PAPOLG: variants seen among roughly 807,000 people sequenced by gnomAD.
The protein encoded by PAPOLG is poly(A) polymerase gamma, also known as PAP-gamma.
Under a neutral mutation model 99.0 loss-of-function variants are expected in PAPOLG, and 40 were observed. The observed-to-expected ratio is 0.40, with a 90% confidence interval of 0.31 to 0.53. PAPOLG has a LOEUF of 0.53. Ranked by LOEUF, PAPOLG falls within the 20% of genes least tolerant of loss-of-function variation. PAPOLG has a pLI of 0.41. For missense variants in PAPOLG, 675 were observed against 884.1 expected (o/e 0.76, Z 3.00); for synonymous variants, 310 against 299.3 (o/e 1.04, Z -0.37).
At position 60,792,224 on chromosome 2, in the gene PAPOLG, T is replaced by A; in HGVS notation, c.1614T>A (p.Asp538Glu). The stretch of plus-strand genomic sequence containing the variant: ...GTCTGGATAGCTCCAGAGACACTGA[T>A]AATGGAACACCTTTTAATTCTCCAG... Reference protein sequence around the residue: ...SSCLDSSRDTDNGTPFNSPAS... With the variant: ...SSCLDSSRDTENGTPFNSPAS... The change falls in exon 17 of 22, where the codon GAT becomes GAA. Residue 538 changes from aspartate (D) to glutamate (E), a missense_variant. Coordinates refer to ENST00000238714, the MANE Select transcript of PAPOLG (RefSeq NM_022894.4). 2 of 1,610,258 alleles carry A rather than the reference T, an allele frequency of 1.2e-6. No homozygotes were observed. The highest frequency in any genetic ancestry group is 1.7e-6 in the Non-Finnish European group (2 of 1,179,272).
intron 3 of PAPOLG, among the ~76,000 whole-genome samples, chr2:60,763,125 A>G (rs966454405): frequency 1.3e-5 from 2 of 151,444 alleles, no homozygotes; most frequent in Non-Finnish European, 2.9e-5. Flanking sequence ...CCCAGGCTGC[A>G]GTACAGTGGC....
At chr2:60,782,579 C>T (rs1186708844) in intron 11 of PAPOLG, 107 bp from the exon 12 acceptor site, 61 of 1,342,624 alleles carry the variant, frequency 4.5e-5, no homozygotes, top group African/African-American at 1.8e-4. Flanking sequence ...AAAAAAATTT[C>T]GTCTGGTGGA....
Position 60,796,977 on chromosome 2 carries a change from A to G in PAPOLG, c.2113-85A>G, listed in dbSNP as rs975354357. 1.5e-5 allele frequency: 23 copies of G among 1,555,226 alleles called. No homozygotes were observed. The East Asian group carries it at 4.4e-4, about 30-fold the overall frequency. ...AGAGGGTTTGGGAGAAAAACTCCCC[A>G]AGTTTTGTGACTGACTTTCTAGCTG... On this transcript the variant is annotated intron_variant, in intron 21 of 21. Coordinates refer to ENST00000238714, the MANE Select transcript of PAPOLG (RefSeq NM_022894.4).
Position 60,794,203 on chromosome 2 carries a change from A to G in PAPOLG, c.1989+12A>G, listed in dbSNP as rs1394335985. 1.9e-6 allele frequency: 3 copies of G among 1,606,490 alleles called. No individual in the cohort carries two copies. The highest frequency in any genetic ancestry group is 2.6e-6 in the Non-Finnish European group (3 of 1,175,080). On this transcript the variant is annotated intron_variant, in intron 19 of 21. Coordinates refer to ENST00000238714, the MANE Select transcript of PAPOLG (RefSeq NM_022894.4). ...AAGACGTAGAAAAGGTAAAGTTACAACTTTAGTGGTAATTCAGTAGTTGAT... is the reference window on the plus strand; with the variant it reads ...AAGACGTAGAAAAGGTAAAGTTACAGCTTTAGTGGTAATTCAGTAGTTGAT...
chr2:60,770,612 C>A (rs946033804), intron 6 of PAPOLG, 101 bp downstream of exon 6: 8 of 686,644 alleles, frequency 1.2e-5, no homozygotes, highest in African/African-American at 1.9e-5. Context: ...TTTAAAAAAT[C>A]AAGTAATCTC....
chr2:60,777,612 G>C (rs747774750), intron 8 of PAPOLG, among the ~76,000 whole-genome samples: 1 of 152,172 alleles, frequency 6.6e-6, no homozygotes, highest in Non-Finnish European at 1.5e-5. Context: ...ATAGCTTTCG[G>C]ACTATCATAA....
At chr2:60,763,513 T>C (rs777762732) in intron 3 of PAPOLG, among the ~76,000 whole-genome samples, 17 of 152,066 alleles carry the variant, frequency 1.1e-4, no homozygotes, top group Non-Finnish European at 2.4e-4. Flanking sequence ...TGTTTTTGTT[T>C]TTGTTTTTGA....
At chr2:60,761,163 A>G (rs1670512053) in intron 2 of PAPOLG, among the ~76,000 whole-genome samples, 1 of 152,222 alleles carries the variant, frequency 6.6e-6, no homozygotes, top group Non-Finnish European at 1.5e-5. Context: ...TGGAAGACTG[A>G]GGAAGAAGTA....
chr2:60,770,545 G>T lies in PAPOLG; in HGVS notation c.492+34G>T, dbSNP rs761707185. 6.5e-6 allele frequency: 9 copies of T among 1,383,758 alleles called. No individual in the cohort carries two copies. The Admixed American group carries it at 1.2e-4, about 18-fold the overall frequency. The allele number at this position is 1,383,758 out of a possible 1,614,324, so 85.7% of individuals were successfully genotyped here. A position where few individuals can be genotyped will look rare whatever the true frequency, so the allele number is the denominator to read the frequency against. The stretch of plus-strand genomic sequence containing the variant: ...TTAATATTTTTCTGACTTTACAATT[G>T]AACTGTTTAAACTTGTAAGTTTGTT... On this transcript the variant is annotated intron_variant, in intron 6 of 21. Coordinates refer to ENST00000238714, the MANE Select transcript of PAPOLG (RefSeq NM_022894.4).
In PAPOLG at chr2:60,797,046, T is replaced by G. The variant is rs1416435899; in HGVS notation, c.2113-16T>G. The G allele has an allele frequency of 1.9e-6, 3 of 1,612,424 alleles. No homozygotes were observed. The highest frequency in any genetic ancestry group is 2.5e-6 in the Non-Finnish European group (3 of 1,178,870). ...GATGTGCTTTTCCTTTTTTGTTTCC[T>G]CTTTCTTTCTAATAGAGACTACCCA... is the stretch of plus-strand genomic sequence containing the variant. On this transcript the variant is annotated splice_polypyrimidine_tract_variant and intron_variant, in intron 21 of 21. Coordinates refer to ENST00000238714, the MANE Select transcript of PAPOLG (RefSeq NM_022894.4).
At chr2:60,784,855 T>G (rs1431040617) in intron 13 of PAPOLG, among the ~76,000 whole-genome samples, 3 of 152,234 alleles carry the variant, frequency 2.0e-5, no homozygotes, top group African/African-American at 7.2e-5. Context: ...TATTTAGCCC[T>G]TTACAGAAAA....
chr2:60,760,073 G>A lies in PAPOLG; in HGVS notation c.18-61G>A, dbSNP rs909798306. ...TAACATGAGTAGATTGAGAGATTCA[G>A]TGTATCAGTATGGTATATACTTTAA... On this transcript the variant is annotated intron_variant, in intron 1 of 21. Coordinates refer to ENST00000238714, the MANE Select transcript of PAPOLG (RefSeq NM_022894.4). The A allele has an allele frequency of 2.7e-6, 4 of 1,479,564 alleles. No individual in the cohort carries two copies. In the African/African-American group the frequency reaches 4.2e-5, roughly 16 times the overall value. The allele number at this position is 1,479,564 out of a possible 1,614,324, so 91.7% of individuals were successfully genotyped here. A position where few individuals can be genotyped will look rare whatever the true frequency, so the allele number is the denominator to read the frequency against.
In PAPOLG at chr2:60,771,639, C is replaced by G; in HGVS notation, c.604+9C>G. ...TATTCGCAGCTTAAATGGTAAGCTT[C>G]TAAAAAGAAATCTCAGATACCTGCT... On this transcript the variant is annotated intron_variant, in intron 7 of 21. Transcript: ENST00000238714. 1 of 1,587,720 alleles carries G rather than the reference C, an allele frequency of 6.3e-7. No individual in the cohort carries two copies.
intron 7 of PAPOLG, 47 bp downstream of exon 7, chr2:60,771,677 G>A (rs190464476): frequency 6.4e-7 from 1 of 1,562,624 alleles, no homozygotes; most frequent in African/African-American, 1.4e-5. Flanking sequence ...AGAACAATTA[G>A]AGAAATATAG....
At chr2:60,767,454 G>A (rs1174587211) in intron 3 of PAPOLG, among the ~76,000 whole-genome samples, 1 of 151,062 alleles carries the variant, frequency 6.6e-6, no homozygotes, top group African/African-American at 2.4e-5. Context: ...ACAGGCACAC[G>A]CCACATGCCT....
intron 1 of PAPOLG, among the ~76,000 whole-genome samples, chr2:60,757,235 C>T (rs1380107022): frequency 6.6e-6 from 1 of 152,184 alleles, no homozygotes; most frequent in Non-Finnish European, 1.5e-5. Context: ...CATGCACACA[C>T]GCACACACAC....
chr2:60,795,122 T>C, intron 21 of PAPOLG, 102 bp downstream of exon 21: 1 of 1,019,672 alleles, frequency 9.8e-7, no homozygotes, highest in Non-Finnish European at 1.5e-6. Context: ...TGGGAAAAAG[T>C]AAGATTTTGT....
intron 8 of PAPOLG, among the ~76,000 whole-genome samples, chr2:60,777,600 G>A (rs986611081): frequency 3.9e-5 from 6 of 152,178 alleles, no homozygotes; most frequent in Non-Finnish European, 2.9e-5. Context: ...GGCACAAGGG[G>A]CATAGCTTTC....
intron 10 of PAPOLG, among the ~76,000 whole-genome samples, chr2:60,781,041 T>TG (rs1558700494): frequency 6.6e-6 from 1 of 152,054 alleles, no homozygotes; most frequent in African/African-American, 2.4e-5. Context: ...TAATCCAGTG[T>TG]GGAAAAAATG....
Sources: gnomAD v4.1 joint callset for allele counts (sites outside exome capture counted in the v4.1 genomes callset) on GRCh38, gnomAD v4.1.1 for gene constraint, MANE v1.5 for transcripts, NCBI Gene and HGNC (gene_info 2026-07-23, HGNC 2026-07-21) for gene names.